Variants in ZNF432 observed in about 807,000 individuals in gnomAD.
The protein encoded by ZNF432 is zinc finger protein 432.
In ZNF432, 10 loss-of-function variants were observed where a neutral mutation model predicts 13.9. The ratio of observed to expected loss-of-function variants is 0.72; its 90% CI spans 0.44 to 1.22. The LOEUF is 1.22. Ranked by LOEUF, ZNF432 falls within the 50% of genes most tolerant of loss-of-function variation. The probability of loss-of-function intolerance (pLI) is 0.00; values close to 1 mark genes in which losing one functional copy is unlikely to be tolerated. For missense variants in ZNF432, 793 were observed against 796.2 expected, an observed-to-expected ratio of 1.00 and a Z score of 0.05; for synonymous variants, 247 against 256.2, an observed-to-expected ratio of 0.96 and a Z score of 0.34.
In ZNF432 at chr19:52,041,676, G is replaced by C. The variant is rs923568647; in HGVS notation, c.16-70C>G. The C allele has an allele frequency of 1.3e-5, 20 of 1,598,638 alleles. No individual in the cohort carries two copies. In the African/African-American group the frequency reaches 2.5e-4, roughly 20 times the overall value. On this transcript the variant is annotated intron_variant, in intron 2 of 4. Coordinates refer to ENST00000221315, the MANE Select transcript of ZNF432 (RefSeq NM_014650.4). ...TACTGACATGAAAAGAAAGTGAAGG[G>C]AAGTTGTCCCGCTCACATTAAACAT... is the stretch of plus-strand genomic sequence containing the variant.
chr19:52,039,512 A>G (rs2087113994), intron 4 of ZNF432, among the ~76,000 whole-genome samples: 1 of 152,056 alleles, frequency 6.6e-6, no homozygotes, highest in African/African-American at 2.4e-5. Context: ...ATTTATATAA[A>G]ATGTCCAGAA....
intron 2 of ZNF432, among the ~76,000 whole-genome samples, chr19:52,043,728 G>C (rs1390715746): frequency 1.3e-5 from 2 of 152,354 alleles, no homozygotes; most frequent in Admixed American, 6.5e-5. Flanking sequence ...CTGGAGGTGG[G>C]ACATTCGGGC....
At chr19:52,039,660 T>G (rs369271332) in intron 4 of ZNF432, among the ~76,000 whole-genome samples, 1 of 150,018 alleles carries the variant, frequency 6.7e-6, no homozygotes, top group Non-Finnish European at 1.5e-5. Context: ...GGTGAAACCC[T>G]GTCTCTACAA....
Position 52,034,519 on chromosome 19 carries a change from C to A in ZNF432, c.1160G>T (p.Arg387Leu). 1 of 1,613,206 alleles carries A rather than the reference C, an allele frequency of 6.2e-7. No individual in the cohort carries two copies. ...ECGKGFTMKS[R>L]MIEHQRTHTG... ...ATGAGTTCGTTGATGTTCGATCATA[C>A]GGCTCTTCATGGTGAAGCCTTTCCC... The change falls in exon 5 of 5, where the codon CGT (arginine) becomes CTT (leucine). Residue 387 changes from arginine to leucine, a missense_variant. Arg to Leu is a moderately radical substitution (Grantham distance 102). Transcript: ENST00000221315.
At position 52,033,802 on chromosome 19, in the gene ZNF432, A is replaced by T. The variant is rs749545151; in HGVS notation, c.1877T>A (p.Val626Glu). 6.2e-7 allele frequency: 1 copy of T among 1,613,304 alleles called. No individual in the cohort carries two copies. The highest frequency in any genetic ancestry group is 1.3e-5 in the African/African-American group (1 of 74,854). ...GAAGGCTTTTCTACATTCACTGCATACAAAGGGTTTCTCTCCTGTATGAGT... is the reference window on the plus strand; with the variant it reads ...GAAGGCTTTTCTACATTCACTGCATTCAAAGGGTTTCTCTCCTGTATGAGT... ...QRTHTGEKPF[V>E]CSECRKAFSS... is the part of the protein sequence containing the mutation. Residue 626 changes from valine to glutamate, a missense_variant, in exon 5 of 5, where the codon GTA becomes GAA. Coordinates refer to ENST00000221315, the MANE Select transcript of ZNF432 (RefSeq NM_014650.4).
chr19:52,040,520 A>G lies in ZNF432; in HGVS notation c.206T>C (p.Met69Thr), dbSNP rs1568522640. Residue 69 changes from methionine (M) to threonine (T), a missense_variant, in exon 4 of 5, where the codon ATG becomes ACG. Physicochemically the swap from Met to Thr is moderately conservative, Grantham distance 81. Transcript: ENST00000221315. ...GATTCGACTGTGCCTTTCATCTTCC[A>G]TTGTCCATGGTTCTTCTCCTCGTTC... ...KLERGEEPWTMEDERHSRICP... is the reference protein window; with the variant it reads ...KLERGEEPWTTEDERHSRICP... 2.5e-6 allele frequency: 4 copies of G among 1,614,124 alleles called. No homozygotes were observed. Among genetic ancestry groups the G allele is most frequent in the Non-Finnish European group, 3.4e-6 (4 of 1,180,020 alleles).
intron 4 of ZNF432, among the ~76,000 whole-genome samples, chr19:52,039,341 G>A (rs1303994195): frequency 6.6e-6 from 1 of 152,138 alleles, no homozygotes; most frequent in Non-Finnish European, 1.5e-5. Flanking sequence ...CAATGCAATA[G>A]ATGAATTGAT....
chr19:52,043,937 G>A (rs933203760), intron 2 of ZNF432, among the ~76,000 whole-genome samples: 12 of 152,196 alleles, frequency 7.9e-5, no homozygotes, highest in Admixed American at 6.5e-4. Context: ...TAAATACTAA[G>A]GGAACTCAGA....
At position 52,034,648 on chromosome 19, in the gene ZNF432, G is replaced by C; in HGVS notation, c.1031C>G (p.Pro344Arg). The C allele has an allele frequency of 1.2e-6, 2 of 1,613,362 alleles. No homozygotes were observed. Among genetic ancestry groups the C allele is most frequent in the Admixed American group, 3.3e-5 (2 of 59,938 alleles). The part of the protein sequence containing the change: ...IHQRTHTGEK[P>R]YICSECGKGF... ...TTTCCCACATTCACTACAGATGTAG[G>C]GCTTCTCTCCTGTATGAGTTCGCTG... Residue 344 changes from proline (P) to arginine (R), a missense_variant, in exon 5 of 5, where the codon CCC (proline) becomes CGC (arginine). Coordinates refer to ENST00000221315, the MANE Select transcript of ZNF432 (RefSeq NM_014650.4).
intron 2 of ZNF432, among the ~76,000 whole-genome samples, chr19:52,045,504 G>A (rs1382577116): frequency 4.0e-5 from 6 of 151,262 alleles, no homozygotes; most frequent in Non-Finnish European, 8.8e-5. Context: ...TTACAGGCAT[G>A]CGCCACCACA....
Position 52,040,560 on chromosome 19 carries a change from C to T in ZNF432, c.166G>A (p.Ala56Thr), listed in dbSNP as rs140667931. Residue 56 changes from alanine (A) to threonine (T), a missense_variant, in exon 4 of 5, where the codon GCA (alanine) becomes ACA (threonine). Physicochemically the swap from Ala to Thr is moderately conservative, Grantham distance 58. Coordinates refer to ENST00000221315, the MANE Select transcript of ZNF432 (RefSeq NM_014650.4). ...TCTCCTCGTTCCAACTTGGAGAGTGCATCTGGTTTGCTGACTTGATAACCT... is the reference window on the plus strand; with the variant it reads ...TCTCCTCGTTCCAACTTGGAGAGTGTATCTGGTTTGCTGACTTGATAACCT... ...SMGYQVSKPD[A>T]LSKLERGEEP... is the part of the protein sequence containing the mutation. 4 of 1,614,112 alleles carry T rather than the reference C, an allele frequency of 2.5e-6. No homozygotes were observed. The highest frequency in any genetic ancestry group is 1.1e-5 in the South Asian group (1 of 91,084).
At chr19:52,041,672 A>T in intron 2 of ZNF432, 66 bp from the exon 3 acceptor site, 1 of 1,605,438 alleles carries the variant, frequency 6.2e-7, no homozygotes, top group Non-Finnish European at 8.5e-7. Flanking sequence ...AAAGAAAGTG[A>T]AGGGAAGTTG....
chr19:52,032,454 G>A lies in ZNF432; in HGVS notation c.*1266C>T, dbSNP rs1017881501. 2 of 41,538 alleles carry A rather than the reference G, an allele frequency of 4.8e-5. No homozygotes were observed. Among genetic ancestry groups the A allele is most frequent in the Non-Finnish European group, 1.0e-4 (2 of 19,492 alleles). 2.6% of individuals were successfully genotyped at this position (41,538 alleles called of 1,614,324 possible). ...AATATGGTTTTTTTTTTTTTTTTTT[G>A]AGGCAGAGTTTCGCTCTTGTTGCCC... On this transcript the variant is annotated 3_prime_UTR_variant, in exon 5 of 5. Transcript: ENST00000221315.
chr19:52,038,271 G>C (rs998740872), intron 4 of ZNF432, among the ~76,000 whole-genome samples: 10 of 152,198 alleles, frequency 6.6e-5, no homozygotes, highest in Admixed American at 1.3e-4. Flanking sequence ...CCATGGCCTT[G>C]CACAATTCCT....
At position 52,034,325 on chromosome 19, in the gene ZNF432, T is replaced by TTTC. The variant is rs1390057041; in HGVS notation, c.1353_1354insGAA (p.His451_Thr452insGlu). On this transcript the variant is annotated inframe_insertion, in exon 5 of 5. Transcript: ENST00000221315. ...CTGCATGTGTAGGGCTTCTCTCCTG[T>TTTC]ATGAGTTCGCTGATGTATGATGAGC... is the stretch of plus-strand genomic sequence containing the variant. 1 of 1,613,962 alleles carries TTTC rather than the reference T, an allele frequency of 6.2e-7. No homozygotes were observed. Among genetic ancestry groups the TTTC allele is most frequent in the Admixed American group, 1.7e-5 (1 of 60,002 alleles).
Position 52,034,188 on chromosome 19 carries a change from A to G in ZNF432, c.1491T>C (p.Asn497=). Residue 497 remains asparagine (N), a synonymous_variant, in exon 5 of 5, where the codon AAT becomes AAC. Transcript: ENST00000221315. ...CSECGKGFIV[N]SGLMLHQRTH... is the part of the protein sequence containing the mutation. ...TTCGCTGATGTAACATCAGTCCGCTATTCACAATGAAACCTTTCCCACATT... is the reference window on the plus strand; with the variant it reads ...TTCGCTGATGTAACATCAGTCCGCTGTTCACAATGAAACCTTTCCCACATT... 1 of 1,612,646 alleles carries G rather than the reference A, an allele frequency of 6.2e-7. No individual in the cohort carries two copies. Among genetic ancestry groups the G allele is most frequent in the South Asian group, 1.1e-5 (1 of 90,974 alleles).
intron 2 of ZNF432, among the ~76,000 whole-genome samples, chr19:52,043,479 T>G (rs1366916044): frequency 1.3e-5 from 2 of 151,960 alleles, no homozygotes; most frequent in African/African-American, 4.8e-5. Context: ...CCAAGGTTTC[T>G]CCCCATGTGA....
chr19:52,044,245 GA>G (rs1449924089), intron 2 of ZNF432, among the ~76,000 whole-genome samples: 8 of 151,266 alleles, frequency 5.3e-5, no homozygotes, highest in Non-Finnish European at 7.4e-5. Flanking sequence ...AAATCTGTTT[GA>G]AAAAAAATGT....
chr19:52,035,830 G>A (rs886194002), intron 4 of ZNF432, among the ~76,000 whole-genome samples: 2 of 152,108 alleles, frequency 1.3e-5, no homozygotes, highest in African/African-American at 2.4e-5. Flanking sequence ...ACCACACCTG[G>A]CCAGGTGTTT....
Sources: allele counts gnomAD v4.1 joint callset (sites outside exome capture counted in the v4.1 genomes callset), GRCh38; gene constraint gnomAD v4.1.1; transcripts MANE v1.5; gene names NCBI Gene and HGNC (gene_info 2026-07-23, HGNC 2026-07-21).